Variants in ADAMTS7 observed in about 807,000 individuals in gnomAD.
ADAMTS7 encodes the protein A disintegrin and metalloproteinase with thrombospondin motifs 7.
In ADAMTS7, 89 loss-of-function variants were observed where a neutral mutation model predicts 172.6. That is an observed-to-expected ratio of 0.52 (90% CI 0.43 to 0.61). The LOEUF is 0.61. Ranked by LOEUF, ADAMTS7 falls within the 20% of genes least tolerant of loss-of-function variation. The pLI is 0.00. For synonymous variants in ADAMTS7, 885 were observed against 978.4 expected (o/e 0.90, Z 1.78); for missense variants, 1,973 against 2,355.6 (o/e 0.84, Z 3.36).
At chr15:78,765,101 A>C in intron 19 of ADAMTS7, 1 of 213,708 alleles carries the variant, frequency 4.7e-6, no homozygotes, top group Non-Finnish European at 9.3e-6. Context: ...TGCGCAAAAC[A>C]AGCCCTGTGG....
Position 78,789,834 on chromosome 15 carries a change from C to T in ADAMTS7, c.1033G>A (p.Asp345Asn), listed in dbSNP as rs2055554891. 8 of 1,587,800 alleles carry T rather than the reference C, an allele frequency of 5.0e-6. No homozygotes were observed. The East Asian group carries it at 1.8e-4, about 36-fold the overall frequency. The change falls in exon 7 of 24, where the codon GAC (aspartate) becomes AAC (asparagine). Residue 345 changes from aspartate (D) to asparagine (N), a missense_variant. Asp to Asn is a conservative substitution (Grantham distance 23, BLOSUM62 1). This residue lies in a region of ADAMTS7 where 526 missense variants were observed against 662.9 expected (regional missense o/e 0.79). Coordinates refer to ENST00000388820, the MANE Select transcript of ADAMTS7 (RefSeq NM_014272.5). ...GGCCGGTTCATGGCTGCACACAGGT[C>T]CTTTCTGCACAGGCAAAGAAGCAGC... The part of the protein sequence containing the change: ...HDTAILLTRK[D>N]LCAAMNRPCE...
intron 8 of ADAMTS7, among the ~76,000 whole-genome samples, chr15:78,778,121 A>T (rs573315793): frequency 1.2e-4 from 18 of 151,830 alleles, no homozygotes; most frequent in Middle Eastern, 3.4e-3. Flanking sequence ...TTTCCCCCAC[A>T]CCCCGACAGG....
At chr15:78,782,447 C>T (rs1192176987) in intron 8 of ADAMTS7, among the ~76,000 whole-genome samples, 3 of 145,166 alleles carry the variant, frequency 2.1e-5, no homozygotes, top group Admixed American at 7.4e-5. Context: ...CCTAATGGAC[C>T]TGGTCACATC....
intron 4 of ADAMTS7, among the ~76,000 whole-genome samples, chr15:78,792,383 C>T (rs2055592346): frequency 6.6e-6 from 1 of 152,224 alleles, no homozygotes; most frequent in Admixed American, 6.5e-5. Flanking sequence ...GTTGAGGTCT[C>T]CTACGAGTGT....
chr15:78,783,702 C>T (rs951580820), intron 8 of ADAMTS7, among the ~76,000 whole-genome samples: 3 of 152,134 alleles, frequency 2.0e-5, no homozygotes, highest in African/African-American at 7.2e-5. Flanking sequence ...GATAAGAGAA[C>T]ATACTGTACC....
At chr15:78,802,292 T>C in intron 1 of ADAMTS7, among the ~76,000 whole-genome samples, 1 of 152,214 alleles carries the variant, frequency 6.6e-6, no homozygotes, top group Middle Eastern at 3.2e-3. Context: ...AGCTACTCCC[T>C]TTAGCAGTGC....
Position 78,771,137 on chromosome 15 carries a change from G to T in ADAMTS7, c.2518+25C>A. The T allele has an allele frequency of 6.3e-7, 1 of 1,581,156 alleles. No individual in the cohort carries two copies. Among genetic ancestry groups the T allele is most frequent in the South Asian group, 1.1e-5 (1 of 87,278 alleles). ...TCCAGACACTAAGCCCCTGCAGGTG[G>T]GGCTGTGCCTGCCCCACTTCTCACC... On this transcript the variant is annotated intron_variant, in intron 16 of 23. Transcript: ENST00000388820. The surrounding 1 kb of genome is among the most constrained non-coding windows in gnomAD (Gnocchi z 4.9).
chr15:78,780,106 T>A (rs542510239), intron 8 of ADAMTS7, among the ~76,000 whole-genome samples: 1 of 144,622 alleles, frequency 6.9e-6, no homozygotes, highest in South Asian at 2.4e-4. Context: ...AATAGCAGTG[T>A]CTTCTTGGGA....
intron 8 of ADAMTS7, among the ~76,000 whole-genome samples, chr15:78,780,602 C>T (rs909452865): frequency 4.0e-5 from 6 of 151,794 alleles, no homozygotes; most frequent in Non-Finnish European, 7.4e-5. Flanking sequence ...CCTTAAAGCA[C>T]CTGTCAGTCC....
At chr15:78,790,363 G>T (rs1234596693) in intron 6 of ADAMTS7, among the ~76,000 whole-genome samples, 1 of 152,220 alleles carries the variant, frequency 6.6e-6, no homozygotes, top group Admixed American at 6.5e-5. Flanking sequence ...GATGGTATCA[G>T]TGTCAGTTTC....
At position 78,759,441 on chromosome 15, in the gene ADAMTS7, G is replaced by A. The variant is rs751660703; in HGVS notation, c.5041C>T (p.Gln1681Ter). The change falls in exon 24 of 24, where the codon CAG (glutamine) becomes TAG (stop). Residue 1681 changes from glutamine (Q) to a stop codon, truncating the protein, a stop_gained. Coordinates refer to ENST00000388820, the MANE Select transcript of ADAMTS7 (RefSeq NM_014272.5). LOFTEE classifies it high-confidence loss of function. The stretch of plus-strand genomic sequence containing the variant: ...CGCAGTCAGCGGCGGGCAACCCGCT[G>A]ATGGCCTCGGGAGGGGGCGCCGTGG... ...PSHGAPSRGH[Q>*]RVARR The A allele has an allele frequency of 1.3e-6, 2 of 1,595,144 alleles. No individual in the cohort carries two copies. The highest frequency in any genetic ancestry group is 1.7e-6 in the Non-Finnish European group (2 of 1,176,688).
chr15:78,776,352 G>A lies in ADAMTS7; in HGVS notation c.1561-19C>T, dbSNP rs369252412. Reference sequence around the variant, plus strand: ...GACACCACTACTGAGACAGACGGAGGTAGAGCCACCCCACCCCCAAGTCTA... The same window carrying A: ...GACACCACTACTGAGACAGACGGAGATAGAGCCACCCCACCCCCAAGTCTA... On this transcript the variant is annotated intron_variant, in intron 10 of 23. Transcript: ENST00000388820. The A allele has an allele frequency of 6.4e-5, 103 of 1,605,188 alleles. No individual in the cohort carries two copies. The African/African-American group carries it at 1.3e-3, about 20-fold the overall frequency.
intron 1 of ADAMTS7, among the ~76,000 whole-genome samples, chr15:78,802,433 A>G (rs1225653951): frequency 6.6e-6 from 1 of 152,250 alleles, no homozygotes; most frequent in Non-Finnish European, 1.5e-5. Context: ...TTGGGGAGAC[A>G]GAGAAAGACC....
intron 4 of ADAMTS7, among the ~76,000 whole-genome samples, chr15:78,791,690 C>A (rs889567172): frequency 2.0e-5 from 3 of 152,240 alleles, no homozygotes; most frequent in Non-Finnish European, 4.4e-5. Flanking sequence ...CAGGAGTGCA[C>A]CCTCCAATGA....
In ADAMTS7 at chr15:78,767,481, C is replaced by T; in HGVS notation, c.2757G>A (p.Leu919=). 2 of 1,611,030 alleles carry T rather than the reference C, an allele frequency of 1.2e-6. No homozygotes were observed. The highest frequency in any genetic ancestry group is 1.1e-5 in the South Asian group (1 of 90,886). Residue 919 remains leucine (L), a synonymous_variant, in exon 18 of 24, where the codon CTG becomes CTA. Transcript: ENST00000388820. ...GAAGGTGTTCACAGGCGGGTGGCTC[C>T]AGGGCGCTCTGCTCATCCAGCCCCA... ...RSVGLDEQSA[L]EPPACEHLPR... is the part of the protein sequence containing the mutation.
At position 78,795,749 on chromosome 15, in the gene ADAMTS7, G is replaced by C. The variant is rs141158349; in HGVS notation, c.819+841C>G. Among the ~76,000 whole-genome samples, 344 of 152,326 alleles carry C rather than the reference G, an allele frequency of 2.3e-3. 1 individual carries two copies. The highest frequency in any genetic ancestry group is 2.5e-3 in the Non-Finnish European group (171 of 68,024). On this transcript the variant is annotated intron_variant, in intron 4 of 23. Transcript: ENST00000388820. ...CAGGTGGCTGCTAAGAATGCCAGGGGCAGAGATCTTTCCTCCCAGGGGCTG... is the reference window on the plus strand; with the variant it reads ...CAGGTGGCTGCTAAGAATGCCAGGGCCAGAGATCTTTCCTCCCAGGGGCTG...
At chr15:78,805,003 C>T (rs1230804642) in intron 1 of ADAMTS7, among the ~76,000 whole-genome samples, 1 of 152,220 alleles carries the variant, frequency 6.6e-6, no homozygotes, top group African/African-American at 2.4e-5. Flanking sequence ...TCAGCAGTAC[C>T]TGGAGAGCTC....
rs1444392584 is a variant in ADAMTS7 at position 78,797,989 on chromosome 15, T to C, written c.581A>G (p.Gln194Arg). Residue 194 changes from glutamine to arginine, a missense_variant, in exon 3 of 24, where the codon CAG (glutamine) becomes CGG (arginine). Physicochemically the swap from Gln to Arg is conservative, Grantham distance 43. This residue lies in a region of ADAMTS7 where 306 missense variants were observed against 288.0 expected (regional missense o/e 1.06). Transcript: ENST00000388820. The stretch of plus-strand genomic sequence containing the variant: ...GCTTGGAGCACTGGAATCACCCCGC[T>C]GTGCCAGCCTCTCCGGGGCCTGACG... ...YKRQAPERLA[Q>R]RGDSSAPSTC... The C allele has an allele frequency of 6.3e-7, 1 of 1,592,796 alleles. No individual in the cohort carries two copies.
chr15:78,767,511 G>A lies in ADAMTS7; in HGVS notation c.2727C>T (p.Arg909=). 7 of 1,608,230 alleles carry A rather than the reference G, an allele frequency of 4.4e-6. No homozygotes were observed. Among genetic ancestry groups the A allele is most frequent in the Non-Finnish European group, 5.9e-6 (7 of 1,178,498 alleles). The stretch of plus-strand genomic sequence containing the variant: ...CGCTCTGCTCATCCAGCCCCACGCT[G>A]CGGATGCAGAGCACGGCCCGGCGGG... The part of the protein sequence containing the change: ...GLSRRAVLCI[R]SVGLDEQSAL... Residue 909 remains arginine, a synonymous_variant, in exon 18 of 24, where the codon CGC becomes CGT. Coordinates refer to ENST00000388820, the MANE Select transcript of ADAMTS7 (RefSeq NM_014272.5).
Sources: allele counts gnomAD v4.1 joint callset (sites outside exome capture counted in the v4.1 genomes callset), GRCh38; gene constraint gnomAD v4.1.1; regional missense constraint gnomAD v4.1.1; non-coding constraint Gnocchi (gnomAD v3.1); transcripts MANE v1.5; gene names NCBI Gene and HGNC (gene_info 2026-07-23, HGNC 2026-07-21).